GALC: variants seen among roughly 807,000 people sequenced by gnomAD.
GALC encodes the protein galactosylceramidase.
In GALC, 77 loss-of-function variants were observed where a neutral mutation model predicts 91.8. The ratio of observed to expected loss-of-function variants is 0.84; its 90% CI spans 0.70 to 1.01. GALC has a LOEUF of 1.01. Ranked by LOEUF, GALC falls within the 50% of genes least tolerant of loss-of-function variation. The pLI, the probability that GALC is intolerant of heterozygous loss-of-function variation, is 0.00. For synonymous variants in GALC, 357 were observed against 306.7 expected, an observed-to-expected ratio of 1.16 and a Z score of -1.71; for missense variants, 882 against 855.9, an observed-to-expected ratio of 1.03 and a Z score of -0.38.
chr14:87,945,825 A>G lies in GALC; in HGVS notation c.1490-92T>C, dbSNP rs1198386512. 4 of 929,148 alleles carry G rather than the reference A, an allele frequency of 4.3e-6. No individual in the cohort carries two copies. The East Asian group carries it at 1.0e-4, about 24-fold the overall frequency. The allele number at this position is 929,148 out of a possible 1,614,324, so 57.6% of individuals were successfully genotyped here. ...TTATAGTATGTCTGAAACACTTCTG[A>G]AAGCTTTTAAATAAATAAATAAAAT... On this transcript the variant is annotated intron_variant, in intron 13 of 16. Transcript: ENST00000261304.
intron 8 of GALC, among the ~76,000 whole-genome samples, chr14:87,966,201 T>C (rs1415003679): frequency 6.6e-6 from 1 of 152,164 alleles, no homozygotes; most frequent in Non-Finnish European, 1.5e-5. Flanking sequence ...TACTAATGCA[T>C]AGGAAGAGTA....
intron 10 of GALC, among the ~76,000 whole-genome samples, chr14:87,958,611 A>G (rs1157142303): frequency 6.6e-6 from 1 of 152,224 alleles, no homozygotes; most frequent in Non-Finnish European, 1.5e-5. Flanking sequence ...GGCTATAGTA[A>G]CGATTAATAA....
chr14:87,992,460 T>C, intron 1 of GALC: 1 of 1,534,422 alleles, frequency 6.5e-7, no homozygotes, highest in South Asian at 1.2e-5. Context: ...AGCCCATTCT[T>C]ACCCTGCACT....
chr14:87,976,445 T>C lies in GALC; in HGVS notation c.665A>G (p.Lys222Arg). 5.0e-6 allele frequency: 8 copies of C among 1,613,634 alleles called. No individual in the cohort carries two copies. The highest frequency in any genetic ancestry group is 6.8e-6 in the Non-Finnish European group (8 of 1,179,524). The part of the protein sequence containing the change: ...MLNYQGLQRV[K>R]IIASDNLWES... The stretch of plus-strand genomic sequence containing the variant: ...CCAGAGATTATCACTTGCTATGATT[T>C]TCACTCGCTGGAGACCTTGATAATT... Residue 222 changes from lysine (K) to arginine (R), a missense_variant, in exon 7 of 17, where the codon AAA becomes AGA. By Grantham distance (26) the Lys-to-Arg change is conservative. Transcript: ENST00000261304.
In GALC at chr14:87,934,874, T is replaced by A. The variant is rs781113050; in HGVS notation, c.1916A>T (p.His639Leu). 8 of 1,605,348 alleles carry A rather than the reference T, an allele frequency of 5.0e-6. No homozygotes were observed. The highest frequency in any genetic ancestry group is 4.3e-6 in the Non-Finnish European group (5 of 1,172,428). ...GTCATTCAGCATGCCAGAGGTGAAA[T>A]GACCCTAGAGTAGAAAGAAACACAT... Reference protein sequence around the residue: ...WYTLTLTIKGHFTSGMLNDKS... With the variant: ...WYTLTLTIKGLFTSGMLNDKS... The change falls in exon 17 of 17, where the codon CAT becomes CTT. Residue 639 changes from histidine to leucine, a missense_variant. His to Leu is a moderately conservative substitution (Grantham distance 99). Transcript: ENST00000261304.
chr14:87,963,910 T>G (rs971463645), intron 9 of GALC, among the ~76,000 whole-genome samples: 13 of 152,150 alleles, frequency 8.5e-5, no homozygotes, highest in African/African-American at 2.9e-4. Flanking sequence ...AACATATTTA[T>G]TTCCACCACA....
intron 1 of GALC, among the ~76,000 whole-genome samples, chr14:87,991,722 A>C (rs904690315): frequency 2.6e-5 from 4 of 152,236 alleles, no homozygotes; most frequent in African/African-American, 9.6e-5. Flanking sequence ...ATAATTGTAT[A>C]TTCTATCAGA....
intron 16 of GALC, among the ~76,000 whole-genome samples, chr14:87,938,542 G>A (rs1333047580): frequency 3.3e-5 from 5 of 151,890 alleles, no homozygotes; most frequent in African/African-American, 1.2e-4. Context: ...ACATCAAAAA[G>A]GTAGCCTTTA....
chr14:87,963,597 T>C, intron 9 of GALC, 86 bp from the exon 10 acceptor site: 1 of 1,124,200 alleles, frequency 8.9e-7, no homozygotes, highest in Non-Finnish European at 1.3e-6. Flanking sequence ...GTATATCAAT[T>C]TGAGTCTGAT....
At chr14:87,963,573 A>G (rs920666915) in intron 9 of GALC, 62 bp from the exon 10 acceptor site, 27 of 543,490 alleles carry the variant, frequency 5.0e-5, no homozygotes, top group Admixed American at 2.5e-4. Context: ...TTCTTTTGGG[A>G]AAAAAAAAAA....
At chr14:87,972,015 T>C (rs1886311579) in intron 7 of GALC, among the ~76,000 whole-genome samples, 1 of 152,122 alleles carries the variant, frequency 6.6e-6, no homozygotes, top group African/African-American at 2.4e-5. Context: ...TCTGCAGATA[T>C]AGCACAGGCC....
At chr14:87,975,133 C>T (rs1840746065) in intron 7 of GALC, among the ~76,000 whole-genome samples, 1 of 151,708 alleles carries the variant, frequency 6.6e-6, no homozygotes, top group African/African-American at 2.4e-5. Context: ...TCTAACCTAA[C>T]CTAAATCTAA....
intron 13 of GALC, among the ~76,000 whole-genome samples, chr14:87,947,496 A>G (rs550917421): frequency 6.6e-6 from 1 of 152,184 alleles, no homozygotes; most frequent in South Asian, 2.1e-4. Flanking sequence ...CTTTCATTCT[A>G]ACAATGAACC....
At chr14:87,962,026 C>T (rs1346133439) in intron 10 of GALC, among the ~76,000 whole-genome samples, 2 of 152,090 alleles carry the variant, frequency 1.3e-5, no homozygotes, top group African/African-American at 4.8e-5. Flanking sequence ...TATTGCTTTC[C>T]TATTTGTCTC....
chr14:87,976,575 T>C, intron 6 of GALC, 87 bp from the exon 7 acceptor site: 2 of 1,109,110 alleles, frequency 1.8e-6, no homozygotes, highest in Middle Eastern at 4.1e-4. Context: ...AAAGTTATCT[T>C]TACAAATCAG....
At chr14:87,955,590 G>A (rs1255616144) in intron 10 of GALC, among the ~76,000 whole-genome samples, 6 of 150,774 alleles carry the variant, frequency 4.0e-5, no homozygotes, top group Admixed American at 1.3e-4. Flanking sequence ...CCTAAAAACC[G>A]TCAATGTGAA....
intron 3 of GALC, chr14:87,987,908 C>T (rs1030066839): frequency 4.9e-5 from 25 of 515,106 alleles, no homozygotes; most frequent in Middle Eastern, 5.4e-4. Flanking sequence ...TGTTTACTAC[C>T]GATTACTTCA....
intron 10 of GALC, among the ~76,000 whole-genome samples, chr14:87,962,754 G>T (rs922399497): frequency 2.0e-5 from 3 of 151,908 alleles, no homozygotes; most frequent in African/African-American, 7.3e-5. Flanking sequence ...CCTCCTTCTT[G>T]TTGGAACTTC....
At chr14:87,946,527 A>C (rs1343834724) in intron 13 of GALC, among the ~76,000 whole-genome samples, 2 of 151,956 alleles carry the variant, frequency 1.3e-5, no homozygotes, top group African/African-American at 4.8e-5. Context: ...TTTTAAATTT[A>C]TATTGTAGCT....
Sources: gnomAD v4.1 joint callset for allele counts (sites outside exome capture counted in the v4.1 genomes callset) on GRCh38, gnomAD v4.1.1 for gene constraint, MANE v1.5 for transcripts, NCBI Gene and HGNC (gene_info 2026-07-23, HGNC 2026-07-21) for gene names.